LEPR: variants seen among roughly 807,000 people sequenced by gnomAD.
LEPR encodes OB receptor.
A neutral mutation model predicts 114.7 loss-of-function variants in LEPR; 56 were observed. That is an observed-to-expected ratio of 0.49 (90% CI 0.39 to 0.61). The LOEUF is 0.61. Ranked by LOEUF, LEPR falls within the 20% of genes least tolerant of loss-of-function variation. LEPR has a pLI of 0.00. For missense variants in LEPR, 1,202 were observed against 1,352.9 expected, an observed-to-expected ratio of 0.89 and a Z score of 1.75; for synonymous variants, 443 against 461.4, an observed-to-expected ratio of 0.96 and a Z score of 0.51.
At chr1:65,555,234 T>A (rs1652734031) in intron 2 of LEPR, among the ~76,000 whole-genome samples, 2 of 152,226 alleles carry the variant, frequency 1.3e-5, no homozygotes, top group Non-Finnish European at 2.9e-5. Context: ...AGAACAGCAA[T>A]AGCATGTTCT....
chr1:65,444,543 T>C (rs1027582348), intron 2 of LEPR, among the ~76,000 whole-genome samples: 1 of 130,890 alleles, frequency 7.6e-6, no homozygotes, highest in African/African-American at 2.9e-5. Context: ...CAGTTTCTTT[T>C]ATAGACTCAG....
At chr1:65,574,692 A>G (rs564560725) in intron 5 of LEPR, among the ~76,000 whole-genome samples, 2 of 152,380 alleles carry the variant, frequency 1.3e-5, no homozygotes, top group Admixed American at 6.5e-5. Flanking sequence ...TTGAATGAAT[A>G]CATATTGCCA....
At chr1:65,435,876 CTGAG>C (rs1646556203) in intron 2 of LEPR, 1 of 983,750 alleles carries the variant, frequency 1.0e-6, no homozygotes, top group Non-Finnish European at 1.2e-6. Context: ...AAAAATCCCA[CTGAG>C]TAATAGCTCA....
At chr1:65,608,643 G>A in intron 11 of LEPR, 110 bp from the exon 12 acceptor site, 1 of 1,204,302 alleles carries the variant, frequency 8.3e-7, no homozygotes, top group South Asian at 1.5e-5. Context: ...AGAAAGTTAT[G>A]AAGAAGATAT....
intron 2 of LEPR, among the ~76,000 whole-genome samples, chr1:65,553,884 G>A (rs577411123): frequency 6.6e-6 from 1 of 152,210 alleles, no homozygotes; most frequent in East Asian, 1.9e-4. Flanking sequence ...TTTGAATGGC[G>A]TTTTTCTGTG....
intron 11 of LEPR, 22 bp from the exon 12 acceptor site, chr1:65,608,731 A>G (rs1656983019): frequency 6.2e-7 from 1 of 1,609,394 alleles, no homozygotes. Flanking sequence ...CCATCACTTA[A>G]TACTATTGTA....
Position 65,633,270 on chromosome 1 carries a change from TA to T in LEPR, c.2674-2913del. On this transcript the variant is annotated intron_variant, in intron 19 of 19. Coordinates refer to ENST00000349533, the MANE Select transcript of LEPR (RefSeq NM_002303.6). The surrounding 1 kb of genome is among the most constrained non-coding windows in gnomAD (Gnocchi z 4.1). Reference sequence around the variant, plus strand: ...ACATTTTGAAGAAGGGGAGCAAATCTAAAAAAAATTCAGTTGAACTTCTGAG... The same window carrying T: ...ACATTTTGAAGAAGGGGAGCAAATCTAAAAAAATTCAGTTGAACTTCTGAG... 3.0e-5 allele frequency: 47 copies of T among 1,546,444 alleles called. No homozygotes were observed. The highest frequency in any genetic ancestry group is 1.0e-4 in the South Asian group (8 of 80,062).
Position 65,479,975 on chromosome 1 carries a change from A to C in LEPR, c.-21+54597A>C, listed in dbSNP as rs530287661. On this transcript the variant is annotated intron_variant, in intron 2 of 19. Coordinates refer to ENST00000349533, the MANE Select transcript of LEPR (RefSeq NM_002303.6). ...AACTCTGTCAGGTGGAAGGAACGTG[A>C]AACGTGTTAACCCATGAAAAACAGA... is the stretch of plus-strand genomic sequence containing the variant. Among the ~76,000 whole-genome samples, 72 of 152,364 alleles carry C rather than the reference A, an allele frequency of 4.7e-4. 1 individual carries two copies. The South Asian group carries it at 0.015, about 32-fold the overall frequency.
chr1:65,421,756 C>A (rs1022952862), intron 1 of LEPR, among the ~76,000 whole-genome samples: 5 of 152,004 alleles, frequency 3.3e-5, no homozygotes, highest in African/African-American at 4.8e-5. Flanking sequence ...CCATTTGAAG[C>A]CAATGCCGAA....
chr1:65,542,921 CAT>C lies in LEPR; in HGVS notation c.-20-22624_-20-22623del, dbSNP rs567213143. Among the ~76,000 whole-genome samples, 69 of 151,940 alleles carry C rather than the reference CAT, an allele frequency of 4.5e-4. No homozygotes were observed. The South Asian group carries it at 4.8e-3, about 11-fold the overall frequency. ...CTGTTGTGAATAGTGCTGCAATAAA[CAT>C]GTGTGCATGTGTCTTTATAGTAGAA... is the stretch of plus-strand genomic sequence containing the variant. On this transcript the variant is annotated intron_variant, in intron 2 of 19. Transcript: ENST00000349533.
In LEPR at chr1:65,443,974, T is replaced by A. The variant is rs1178079277; in HGVS notation, c.-21+18596T>A. 5.0e-4 allele frequency among the ~76,000 whole-genome samples: 15 copies of A among 29,992 alleles called. 5 individuals are homozygous for A. Among genetic ancestry groups the A allele is most frequent in the African/African-American group, 1.5e-3 (15 of 9,958 alleles). The allele number at this position is 29,992 out of a possible 152,430, so 19.7% of individuals were successfully genotyped here. ...TACTTTTTTTTTTTTTTTTTTTTTA[T>A]ACTCTAAGTTTTAGGGTACATGTGC... On this transcript the variant is annotated intron_variant, in intron 2 of 19. Transcript: ENST00000349533.
intron 9 of LEPR, 42 bp downstream of exon 9, chr1:65,601,724 A>T: frequency 6.2e-7 from 1 of 1,612,410 alleles, no homozygotes; most frequent in Non-Finnish European, 8.5e-7. Flanking sequence ...CCACAACTTG[A>T]ATTTTCATTA....
intron 2 of LEPR, among the ~76,000 whole-genome samples, chr1:65,457,727 C>CT (rs1375361343): frequency 3.9e-5 from 6 of 152,126 alleles, no homozygotes; most frequent in African/African-American, 1.4e-4. Context: ...ATGTGTCCAC[C>CT]TTTTTTCTCA....
At chr1:65,620,796 GT>G (rs1657834400) in intron 17 of LEPR, among the ~76,000 whole-genome samples, 1 of 152,130 alleles carries the variant, frequency 6.6e-6, no homozygotes, top group African/African-American at 2.4e-5. Flanking sequence ...GAAAAAAAAG[GT>G]TTTGTTATAC....
intron 2 of LEPR, among the ~76,000 whole-genome samples, chr1:65,443,895 C>T (rs1159829968): frequency 1.3e-5 from 2 of 151,686 alleles, no homozygotes; most frequent in African/African-American, 4.9e-5. Flanking sequence ...CTGAGGTCCA[C>T]CTATCTGGAT....
intron 5 of LEPR, among the ~76,000 whole-genome samples, chr1:65,578,088 G>C (rs1654721169): frequency 6.6e-6 from 1 of 151,238 alleles, no homozygotes. Flanking sequence ...TTAGTCTGCT[G>C]AGAATGATGG....
Position 65,590,161 on chromosome 1 carries a change from T to C in LEPR, c.495-2496T>C, listed in dbSNP as rs191940178. ...ATCTTTTGTCAAATACATTACAAAG[T>C]ATTTCTATTTTTGATGTTATTGTAA... On this transcript the variant is annotated intron_variant, in intron 5 of 19. Transcript: ENST00000349533. Among the ~76,000 whole-genome samples the C allele has an allele frequency of 1.2e-3, 188 of 151,670 alleles. 1 individual carries two copies. The highest frequency in any genetic ancestry group is 4.2e-3 in the African/African-American group (173 of 41,360).
At chr1:65,432,529 C>A in intron 2 of LEPR, 2 of 783,222 alleles carry the variant, frequency 2.6e-6, no homozygotes, top group Non-Finnish European at 3.1e-6. Flanking sequence ...AGTGGCTAAA[C>A]CACTTAACCT....
chr1:65,631,456 CCTT>C (rs1658518444), intron 19 of LEPR, among the ~76,000 whole-genome samples: 1 of 152,134 alleles, frequency 6.6e-6, no homozygotes, highest in African/African-American at 2.4e-5. Context: ...TCTTTGCTCA[CCTT>C]CTTTGATCTA....
Sources: gnomAD v4.1 joint callset for allele counts (sites outside exome capture counted in the v4.1 genomes callset) on GRCh38, gnomAD v4.1.1 for gene constraint, Gnocchi (gnomAD v3.1) non-coding constraint, MANE v1.5 for transcripts, NCBI Gene and HGNC (gene_info 2026-07-23, HGNC 2026-07-21) for gene names.